RFC3: variants seen among roughly 807,000 people sequenced by gnomAD.
RFC3 encodes the protein replication factor C subunit 3.
A neutral mutation model predicts 45.1 loss-of-function variants in RFC3; 41 were observed. The ratio of observed to expected loss-of-function variants is 0.91; its 90% CI spans 0.71 to 1.18. RFC3 has a LOEUF of 1.18. Among genes scored for constraint, RFC3 ranks in the 50% most tolerant of loss-of-function variants. The probability of loss-of-function intolerance (pLI) is 0.00; values close to 1 mark genes in which losing one functional copy is unlikely to be tolerated. For synonymous variants in RFC3, 149 were observed against 144.0 expected (o/e 1.03, Z -0.25); for missense variants, 423 against 428.1 (o/e 0.99, Z 0.10).
chr13:33,823,104 C>T (rs1229394645), intron 2 of RFC3, among the ~76,000 whole-genome samples: 2 of 152,086 alleles, frequency 1.3e-5, no homozygotes, highest in Non-Finnish European at 2.9e-5. Flanking sequence ...CTATTATATA[C>T]TCACCAAACT....
rs7330966 is a variant in RFC3, at chr13:33,843,807, C to T, written c.879+8590C>T. ...ACATATGTTTCTATGATCAAGTCTC[C>T]ACAATGCCTTTTTCAAAACTTAATT... is the stretch of plus-strand genomic sequence containing the variant. On this transcript the variant is annotated intron_variant, in intron 8 of 8. Coordinates refer to the RFC3 transcript ENST00000434425. Among the ~76,000 whole-genome samples the T allele has an allele frequency of 5.3e-3, 807 of 152,314 alleles. 4 individuals carry two copies. Among genetic ancestry groups the T allele is most frequent in the African/African-American group, 0.018 (755 of 41,570 alleles).
At chr13:33,974,855 T>G in the RFC3 span, among the ~76,000 whole-genome samples, 5 of 152,050 alleles carry the variant, frequency 3.3e-5, no homozygotes, top group Non-Finnish European at 5.9e-5. Context: ...TAGCTAAAAT[T>G]AAAACAACAG....
intron 8 of RFC3, among the ~76,000 whole-genome samples, chr13:33,897,000 C>G (rs2082604234): frequency 6.6e-6 from 1 of 151,528 alleles, no homozygotes; most frequent in African/African-American, 2.4e-5. Flanking sequence ...GTTCTTCAAC[C>G]TGAAAGAAAA....
intron 8 of RFC3, among the ~76,000 whole-genome samples, chr13:33,844,915 CT>C (rs1266672515): frequency 1.3e-5 from 2 of 152,096 alleles, no homozygotes; most frequent in Non-Finnish European, 2.9e-5. Flanking sequence ...CATTAACATT[CT>C]TTTCTTTCAG....
intron 8 of RFC3, among the ~76,000 whole-genome samples, chr13:33,948,318 T>C (rs2082967150): frequency 1.3e-5 from 2 of 152,174 alleles, no homozygotes; most frequent in Admixed American, 6.5e-5. Flanking sequence ...GGCCTGTGGG[T>C]GCACAGAAGT....
chr13:33,874,472 C>T (rs1173064874), intron 8 of RFC3, among the ~76,000 whole-genome samples: 1 of 152,224 alleles, frequency 6.6e-6, no homozygotes, highest in African/African-American at 2.4e-5. Context: ...CATGCGCCAC[C>T]ACGCCTGGCT....
chr13:33,950,455 A>G (rs114886182), intron 8 of RFC3, among the ~76,000 whole-genome samples: 215 of 152,328 alleles, frequency 1.4e-3, no homozygotes, highest in African/African-American at 5.1e-3. Flanking sequence ...GGATCCCTAA[A>G]AGGGTTTTAG....
At chr13:33,856,132 G>A (rs1456974166) in intron 8 of RFC3, among the ~76,000 whole-genome samples, 2 of 152,144 alleles carry the variant, frequency 1.3e-5, no homozygotes, top group African/African-American at 2.4e-5. Flanking sequence ...TCCATCTTGA[G>A]TTGGTTTTCA....
intron 8 of RFC3, among the ~76,000 whole-genome samples, chr13:33,921,689 T>G (rs943338193): frequency 2.0e-5 from 3 of 152,080 alleles, no homozygotes; most frequent in African/African-American, 7.2e-5. Context: ...ACCCTCCCAG[T>G]GCACCCTGGA....
At chr13:33,819,947 A>G (rs2081986287) in intron 1 of RFC3, among the ~76,000 whole-genome samples, 2 of 152,354 alleles carry the variant, frequency 1.3e-5, no homozygotes, top group Non-Finnish European at 2.9e-5. Context: ...GCAGTATATT[A>G]GATTGAATAG....
intron 8 of RFC3, among the ~76,000 whole-genome samples, chr13:33,895,999 G>A (rs1265130824): frequency 6.6e-6 from 1 of 152,006 alleles, no homozygotes; most frequent in South Asian, 2.1e-4. Context: ...GGACTTTGGA[G>A]ACTCAGAATG....
intron 8 of RFC3, among the ~76,000 whole-genome samples, chr13:33,930,121 A>C (rs1276013840): frequency 6.6e-6 from 1 of 152,090 alleles, no homozygotes; most frequent in Admixed American, 6.6e-5. Context: ...TAATTCATCT[A>C]TCAGCTTGTA....
At chr13:33,969,938 A>C (rs369684649), downstream of RFC3, among the ~76,000 whole-genome samples, 1 of 110,624 alleles carries the variant, frequency 9.0e-6, no homozygotes, top group South Asian at 2.7e-4. Flanking sequence ...TTCAACTTTT[A>C]TTTTATGTTC....
At chr13:33,908,830 A>C (rs1302191060) in intron 8 of RFC3, among the ~76,000 whole-genome samples, 1 of 152,084 alleles carries the variant, frequency 6.6e-6, no homozygotes, top group African/African-American at 2.4e-5. Context: ...TCCAAGACCC[A>C]AGAAGAGCCA....
intron 8 of RFC3, among the ~76,000 whole-genome samples, chr13:33,917,859 A>T (rs565833665): frequency 7.2e-4 from 109 of 152,198 alleles, no homozygotes; most frequent in Non-Finnish European, 1.5e-3. Context: ...TTTGTTTAAA[A>T]AAAAACAAAC....
chr13:33,888,316 C>T (rs1012752036), intron 8 of RFC3, among the ~76,000 whole-genome samples: 1 of 152,166 alleles, frequency 6.6e-6, no homozygotes, highest in South Asian at 2.1e-4. Flanking sequence ...GTTTACTGAA[C>T]TCTTACTCAC....
At chr13:33,966,005 C>T (rs1433882001) in intron 8 of RFC3, 13 of 1,013,924 alleles carry the variant, frequency 1.3e-5, no homozygotes, top group Non-Finnish European at 1.7e-5. Flanking sequence ...GTGTATTACA[C>T]ATCCTTTGTA....
intron 8 of RFC3, chr13:33,849,732 G>C (rs2139464914): frequency 6.6e-6 from 1 of 152,172 alleles, no homozygotes; most frequent in South Asian, 2.1e-4. Flanking sequence ...CAAAAAATTA[G>C]CTGGGAGTAG....
chr13:33,924,817 TA>T, intron 8 of RFC3, among the ~76,000 whole-genome samples: 1 of 150,312 alleles, frequency 6.7e-6, no homozygotes, highest in Non-Finnish European at 1.5e-5. Flanking sequence ...ATAAGTTTTG[TA>T]GATCTAATAT....
Sources: allele counts gnomAD v4.1 joint callset (sites outside exome capture counted in the v4.1 genomes callset), GRCh38; gene constraint gnomAD v4.1.1; transcripts MANE v1.5; gene names NCBI Gene and HGNC (gene_info 2026-07-23, HGNC 2026-07-21).